NALCN: variants seen among roughly 807,000 people sequenced by gnomAD.
NALCN encodes sodium leak channel, non-selective.
In NALCN, 111 loss-of-function variants were observed where a neutral mutation model predicts 225.3. That is an observed-to-expected ratio of 0.49 (90% CI 0.42 to 0.58). The LOEUF (loss-of-function observed/expected upper bound fraction) is 0.58, where lower values mean the gene tolerates loss of function less well. Ranked by LOEUF, NALCN falls within the 20% of genes least tolerant of loss-of-function variation. The pLI, the probability that NALCN is intolerant of heterozygous loss-of-function variation, is 0.00. For missense variants in NALCN, 1,378 were observed against 2,202.4 expected (o/e 0.63, Z 7.49); for synonymous variants, 764 against 769.0 (o/e 0.99, Z 0.11).
At chr13:101,328,185 G>A (rs1344490704) in intron 7 of NALCN, among the ~76,000 whole-genome samples, 1 of 152,166 alleles carries the variant, frequency 6.6e-6, no homozygotes, top group Non-Finnish European at 1.5e-5. Context: ...TTTGCTGGTA[G>A]TATCTCAAAG....
At chr13:101,352,229 T>A (rs1307080504) in intron 6 of NALCN, among the ~76,000 whole-genome samples, 1 of 152,122 alleles carries the variant, frequency 6.6e-6, no homozygotes, top group Admixed American at 6.6e-5. Context: ...GATGAATGCT[T>A]TAAGAGCTAT....
intron 37 of NALCN, 103 bp from the exon 38 acceptor site, chr13:101,068,930 T>C: frequency 3.2e-6 from 4 of 1,250,508 alleles, no homozygotes; most frequent in Non-Finnish European, 4.2e-6. Flanking sequence ...ATATAGCATA[T>C]AATTAACTTC....
rs143603784 is a variant in NALCN at position 101,258,678 on chromosome 13, T to C, written c.1135-104A>G. 1,999 of 1,491,678 alleles carry C rather than the reference T, an allele frequency of 1.3e-3. 10 individuals are homozygous for C. The African/African-American group carries it at 0.022, about 17-fold the overall frequency. 92.4% of individuals were successfully genotyped at this position (1,491,678 alleles called of 1,614,324 possible). On this transcript the variant is annotated intron_variant, in intron 10 of 43. Coordinates refer to ENST00000251127, the MANE Select transcript of NALCN (RefSeq NM_052867.4). Reference sequence around the variant, plus strand: ...ACAGCACCTTTGTGATGTGCTGCTATGCAAAACAGGGCTTCCAAGATAAAG... The same window carrying C: ...ACAGCACCTTTGTGATGTGCTGCTACGCAAAACAGGGCTTCCAAGATAAAG...
intron 15 of NALCN, among the ~76,000 whole-genome samples, chr13:101,146,812 C>A (rs1017391437): frequency 1.3e-5 from 2 of 152,018 alleles, no homozygotes; most frequent in Non-Finnish European, 2.9e-5. Flanking sequence ...CCTCACGGAG[C>A]CCACAGTATA....
chr13:101,054,610 G>A lies in NALCN; in HGVS notation c.*685C>T, dbSNP rs771324942. On this transcript the variant is annotated 3_prime_UTR_variant, in exon 44 of 44. Coordinates refer to ENST00000251127, the MANE Select transcript of NALCN (RefSeq NM_052867.4). ...TGTTTTAAACCGCTAAGCATCCTGA[G>A]TCCATTTCTTTGCCTGGTGCTTGCA... 1 of 152,284 alleles carries A rather than the reference G, an allele frequency of 6.6e-6. No homozygotes were observed. The highest frequency in any genetic ancestry group is 1.9e-4 in the East Asian group (1 of 5,180). The allele number at this position is 152,284 out of a possible 1,614,324, so 9.4% of individuals were successfully genotyped here. A position where few individuals can be genotyped will look rare whatever the true frequency, so the allele number is the denominator to read the frequency against.
intron 1 of NALCN, among the ~76,000 whole-genome samples, chr13:101,409,490 CCTGTGCTGAGTATATATCCTACTCTATAT>C (rs1395391385): frequency 6.6e-6 from 1 of 152,106 alleles, no homozygotes; most frequent in Non-Finnish European, 1.5e-5. Context: ...ACCGTCCTAC[CCTGTGCTGAGTATATATCCTACTCTATAT>C]TAATTATCCA....
chr13:101,304,076 A>G (rs2139110601), intron 7 of NALCN, among the ~76,000 whole-genome samples: 1 of 152,298 alleles, frequency 6.6e-6, no homozygotes, highest in East Asian at 1.9e-4. Flanking sequence ...CTTTTTGTAG[A>G]GTGTAGGTGT....
At chr13:101,097,871 C>T (rs932824953) in intron 27 of NALCN, among the ~76,000 whole-genome samples, 1 of 152,186 alleles carries the variant, frequency 6.6e-6, no homozygotes, top group Non-Finnish European at 1.5e-5. Context: ...AATTAACACT[C>T]ACTGTTGAGA....
At chr13:101,359,354 T>C (rs567388301) in intron 6 of NALCN, among the ~76,000 whole-genome samples, 2 of 152,308 alleles carry the variant, frequency 1.3e-5, no homozygotes, top group East Asian at 1.9e-4. Context: ...AAAATCAACA[T>C]TACAAATTAC....
Position 101,081,007 on chromosome 13 carries a change from A to C in NALCN, c.3885+520T>G, listed in dbSNP as rs534329012. On this transcript the variant is annotated intron_variant, in intron 34 of 43. Transcript: ENST00000251127. ...TGAGAACACAGATATAGAGATGGAG[A>C]ATCATATGCTTTAGAGAAGTGGAGG... Among the ~76,000 whole-genome samples the C allele has an allele frequency of 1.0e-3, 155 of 152,212 alleles. 3 individuals are homozygous for C. In the East Asian group the frequency reaches 0.029, roughly 28 times the overall value.
At chr13:101,094,879 C>T (rs192327796) in intron 28 of NALCN, among the ~76,000 whole-genome samples, 86 of 152,222 alleles carry the variant, frequency 5.6e-4, no homozygotes, top group Non-Finnish European at 2.1e-4. Flanking sequence ...GTTATTCTTA[C>T]ACATTTTCTA....
At chr13:101,237,135 T>C (rs933980968) in intron 12 of NALCN, among the ~76,000 whole-genome samples, 1 of 151,906 alleles carries the variant, frequency 6.6e-6, no homozygotes, top group African/African-American at 2.4e-5. Context: ...TAATAATTAC[T>C]GTTTATTGCA....
chr13:101,206,725 T>C (rs913239966), intron 13 of NALCN, among the ~76,000 whole-genome samples: 84 of 126,954 alleles, frequency 6.6e-4, no homozygotes, highest in Middle Eastern at 4.1e-3. Context: ...ACAGGTTTTT[T>C]AAATATATAT....
chr13:101,380,065 A>G (rs1432073516), intron 3 of NALCN, among the ~76,000 whole-genome samples: 1 of 137,966 alleles, frequency 7.2e-6, no homozygotes, highest in East Asian at 2.1e-4. Context: ...CACTGTATAT[A>G]TGTGGATGTA....
At chr13:101,070,313 G>A (rs594812) in intron 37 of NALCN, among the ~76,000 whole-genome samples, 7,007 of 152,018 alleles carry the variant, frequency 0.046, 513 homozygotes, top group African/African-American at 0.16. Context: ...TGATCCACCC[G>A]CCTTGACCTC....
intron 3 of NALCN, among the ~76,000 whole-genome samples, chr13:101,379,676 T>C (rs977296847): frequency 6.6e-6 from 1 of 151,966 alleles, no homozygotes; most frequent in Non-Finnish European, 1.5e-5. Flanking sequence ...TGAGAACATA[T>C]GGACACAGGG....
chr13:101,075,756 C>T (rs1044882285), intron 35 of NALCN, 117 bp downstream of exon 35: 1 of 693,172 alleles, frequency 1.4e-6, no homozygotes, highest in Non-Finnish European at 2.3e-6. Context: ...CTTATGATGT[C>T]TAGTAATTTG....
chr13:101,264,892 C>A (rs373661907), intron 10 of NALCN, among the ~76,000 whole-genome samples: 2 of 152,232 alleles, frequency 1.3e-5, no homozygotes, highest in South Asian at 2.1e-4. Context: ...GTTTTGCAAC[C>A]ATTTGGAGGC....
Position 101,300,351 on chromosome 13 carries a change from CTTCT to C in NALCN, c.800-7989_800-7986del, listed in dbSNP as rs71121181. Reference sequence around the variant, plus strand: ...TCCTTCCTTCCTTCTTTTTCTTTTTCTTCTTTCTTTCTTTCTTTCCTTCCTTCCT... The same window carrying C: ...TCCTTCCTTCCTTCTTTTTCTTTTTCTTCTTTCTTTCTTTCCTTCCTTCCT... On this transcript the variant is annotated intron_variant, in intron 7 of 43. Transcript: ENST00000251127. Among the ~76,000 whole-genome samples, 813 of 134,544 alleles carry C rather than the reference CTTCT, an allele frequency of 6.0e-3. 31 individuals carry two copies. Among genetic ancestry groups the C allele is most frequent in the African/African-American group, 0.014 (502 of 34,672 alleles). The allele number at this position is 134,544 out of a possible 152,430, so 88.3% of individuals were successfully genotyped here.
Sources: allele counts gnomAD v4.1 joint callset (sites outside exome capture counted in the v4.1 genomes callset), GRCh38; gene constraint gnomAD v4.1.1; transcripts MANE v1.5; gene names NCBI Gene and HGNC (gene_info 2026-07-23, HGNC 2026-07-21).